ATG4B: variants seen among roughly 807,000 people sequenced by gnomAD.
ATG4B encodes cysteine protease ATG4B.
ATG4B carries 29 observed loss-of-function variants against 56.6 expected under a neutral mutation model. The ratio of observed to expected loss-of-function variants is 0.51; its 90% CI spans 0.38 to 0.70. The LOEUF is 0.70. Ranked by LOEUF, ATG4B falls within the 30% of genes least tolerant of loss-of-function variation. The pLI is 0.00. For synonymous variants in ATG4B, 224 were observed against 206.1 expected (o/e 1.09, Z -0.74); for missense variants, 461 against 515.5 (o/e 0.89, Z 1.02).
chr2:241,660,210 T>G (rs2068548652), intron 7 of ATG4B, among the ~76,000 whole-genome samples: 1 of 151,926 alleles, frequency 6.6e-6, no homozygotes, highest in African/African-American at 2.4e-5. Context: ...AAAAAAGACC[T>G]CATTCAGAGC....
chr2:241,650,191 G>T (rs2068187547), intron 1 of ATG4B, among the ~76,000 whole-genome samples: 1 of 152,156 alleles, frequency 6.6e-6, no homozygotes. Flanking sequence ...TAGAAAGTGG[G>T]GTGTTGCCCC....
chr2:241,655,159 T>G, intron 5 of ATG4B, 112 bp from the exon 6 acceptor site: 1 of 1,033,254 alleles, frequency 9.7e-7, no homozygotes, highest in Admixed American at 2.1e-5. Context: ...GTCTGGAGGC[T>G]GGGTCGGGTG....
At position 241,644,855 on chromosome 2, in the gene ATG4B, A is replaced by G. The variant is rs986908429; in HGVS notation, c.11-6155A>G. Among the ~76,000 whole-genome samples the G allele has an allele frequency of 2.6e-5, 4 of 152,004 alleles. No homozygotes were observed. The East Asian group carries it at 7.8e-4, about 30-fold the overall frequency. ...TCCCAGCTACTCGGGAGGCTGAGGC[A>G]GGAGAATCGCTTGAAACCGGGAGGC... On this transcript the variant is annotated intron_variant, in intron 1 of 12. Coordinates refer to ENST00000404914, the MANE Select transcript of ATG4B (RefSeq NM_013325.5).
intron 3 of ATG4B, among the ~76,000 whole-genome samples, chr2:241,653,006 G>A (rs962258485): frequency 4.6e-5 from 7 of 152,226 alleles, no homozygotes; most frequent in Non-Finnish European, 8.8e-5. Flanking sequence ...GTCACATGCC[G>A]CGCAGTTCCA....
chr2:241,654,440 A>G (rs1277494651), intron 4 of ATG4B, 106 bp from the exon 5 acceptor site: 8 of 712,464 alleles, frequency 1.1e-5, no homozygotes, highest in Non-Finnish European at 6.9e-6. Flanking sequence ...AAAAAAAAAA[A>G]AAGATTCTGA....
chr2:241,645,234 C>T (rs1258781591), intron 1 of ATG4B, among the ~76,000 whole-genome samples: 2 of 152,128 alleles, frequency 1.3e-5, no homozygotes, highest in African/African-American at 2.4e-5. Context: ...TGAAGAGATG[C>T]GAGTCTGAGA....
At chr2:241,669,307 C>T (rs1164827854) in intron 10 of ATG4B, among the ~76,000 whole-genome samples, 1 of 152,138 alleles carries the variant, frequency 6.6e-6, no homozygotes, top group Admixed American at 6.5e-5. Context: ...GTGACATGCT[C>T]AGGGAAGCAG....
chr2:241,655,147 C>A, intron 5 of ATG4B, 124 bp from the exon 6 acceptor site: 1 of 891,640 alleles, frequency 1.1e-6, no homozygotes, highest in Non-Finnish European at 1.8e-6. Context: ...GGGCATCCTT[C>A]CGTCTGGAGG....
chr2:241,639,332 G>C (rs981113001), intron 1 of ATG4B, among the ~76,000 whole-genome samples: 1 of 152,220 alleles, frequency 6.6e-6, no homozygotes, highest in Non-Finnish European at 1.5e-5. Flanking sequence ...AGCCCAAGAG[G>C]GGGTGTTGCA....
chr2:241,656,198 C>T (rs370411851), intron 6 of ATG4B, among the ~76,000 whole-genome samples: 122 of 152,318 alleles, frequency 8.0e-4, no homozygotes, highest in African/African-American at 2.8e-3. Flanking sequence ...TCCCCTCACC[C>T]ACAGCCTGCT....
At chr2:241,653,460 G>A in intron 3 of ATG4B, 52 bp from the exon 4 acceptor site, 1 of 1,552,390 alleles carries the variant, frequency 6.4e-7, no homozygotes, top group Non-Finnish European at 8.7e-7. Context: ...TGGGCTTGTG[G>A]CCTGTGGGGC....
chr2:241,641,777 G>T (rs1245532275), intron 1 of ATG4B, among the ~76,000 whole-genome samples: 1 of 152,206 alleles, frequency 6.6e-6, no homozygotes, highest in Non-Finnish European at 1.5e-5. Context: ...GTCACCCAGG[G>T]TGTGAATGTG....
At chr2:241,655,999 A>T (rs1164098451) in intron 6 of ATG4B, among the ~76,000 whole-genome samples, 1 of 151,904 alleles carries the variant, frequency 6.6e-6, no homozygotes, top group Non-Finnish European at 1.5e-5. Context: ...ATTTTTGGGG[A>T]GGCTCTGGCC....
intron 1 of ATG4B, among the ~76,000 whole-genome samples, chr2:241,643,216 T>C (rs1477524075): frequency 6.6e-6 from 1 of 151,750 alleles, no homozygotes; most frequent in African/African-American, 2.4e-5. Flanking sequence ...GCGTGTCATC[T>C]TTTTTTGAGG....
intron 10 of ATG4B, among the ~76,000 whole-genome samples, chr2:241,669,300 A>G (rs2068882446): frequency 6.6e-6 from 1 of 152,192 alleles, no homozygotes; most frequent in African/African-American, 2.4e-5. Context: ...AATGACGGTG[A>G]CATGCTCAGG....
At chr2:241,653,750 TG>T in intron 4 of ATG4B, 140 bp downstream of exon 4, 1 of 697,514 alleles carries the variant, frequency 1.4e-6, no homozygotes, top group Non-Finnish European at 2.3e-6. Context: ...ATGAGCCACT[TG>T]TTTTTCTTGA....
chr2:241,643,702 C>A (rs1156890304), intron 1 of ATG4B, among the ~76,000 whole-genome samples: 1 of 134,110 alleles, frequency 7.5e-6, no homozygotes, highest in African/African-American at 3.1e-5. Context: ...TTTCCCCCCC[C>A]CCCGTCGTCC....
intron 7 of ATG4B, chr2:241,659,648 G>C: frequency 3.3e-6 from 1 of 304,174 alleles, no homozygotes; most frequent in Non-Finnish European, 6.5e-6. Flanking sequence ...GAAGGAACCT[G>C]GGCGTGGCAA....
chr2:241,666,330 A>G (rs973392076), intron 7 of ATG4B, among the ~76,000 whole-genome samples: 1 of 152,234 alleles, frequency 6.6e-6, no homozygotes, highest in Non-Finnish European at 1.5e-5. Context: ...CCAGGCTGGC[A>G]GGCTGCGTGG....
Sources: gnomAD v4.1 joint callset for allele counts (sites outside exome capture counted in the v4.1 genomes callset) on GRCh38, gnomAD v4.1.1 for gene constraint, MANE v1.5 for transcripts, NCBI Gene and HGNC (gene_info 2026-07-23, HGNC 2026-07-21) for gene names.